Variants in DLG2 observed in about 807,000 individuals in gnomAD.
DLG2 encodes disks large homolog 2.
In DLG2, 45 loss-of-function variants were observed where a neutral mutation model predicts 132.5. That is an observed-to-expected ratio of 0.34 (90% CI 0.27 to 0.44). DLG2 has a LOEUF of 0.44. DLG2 is among the 20% of genes least tolerant of loss of function. The pLI, the probability that DLG2 is intolerant of heterozygous loss-of-function variation, is 1.00. For missense variants in DLG2, 1,045 were observed against 1,196.9 expected, an observed-to-expected ratio of 0.87 and a Z score of 1.87; for synonymous variants, 424 against 419.6, an observed-to-expected ratio of 1.01 and a Z score of -0.13.
chr11:83,866,646 T>G (rs1260056046), intron 16 of DLG2, among the ~76,000 whole-genome samples: 1 of 152,186 alleles, frequency 6.6e-6, no homozygotes, highest in Non-Finnish European at 1.5e-5. Context: ...TTGAGACCAT[T>G]TTTAAACCCA....
At position 84,705,406 on chromosome 11, in the gene DLG2, C is replaced by A. The variant is rs552560684; in HGVS notation, c.358-170675G>T. Among the ~76,000 whole-genome samples, 4 of 151,840 alleles carry A rather than the reference C, an allele frequency of 2.6e-5. 1 individual carries two copies. In the South Asian group the frequency reaches 8.3e-4, roughly 31 times the overall value. ...ACAGGACCAACCCTTCTTACCAGTT[C>A]TATTGCAAATCATTCAGTTCTATTG... On this transcript the variant is annotated intron_variant, in intron 6 of 27. Coordinates refer to ENST00000376104, the MANE Select transcript of DLG2 (RefSeq NM_001142699.3).
chr11:85,380,921 C>T (rs924633142), intron 3 of DLG2, among the ~76,000 whole-genome samples: 2 of 152,126 alleles, frequency 1.3e-5, no homozygotes, highest in African/African-American at 2.4e-5. Flanking sequence ...AAAACTCTAA[C>T]AAGACCAAGG....
At chr11:84,935,000 G>A (rs986703552) in intron 6 of DLG2, among the ~76,000 whole-genome samples, 12 of 152,130 alleles carry the variant, frequency 7.9e-5, no homozygotes, top group African/African-American at 2.9e-4. Context: ...ATTTCTGCCT[G>A]AAACTTCCTC....
At chr11:83,493,813 G>A (rs76092902) in intron 21 of DLG2, among the ~76,000 whole-genome samples, 1,564 of 152,182 alleles carry the variant, frequency 0.01, 24 homozygotes, top group African/African-American at 0.035. Context: ...TAAAAAAGTG[G>A]GAGGATTTTC....
chr11:84,836,857 G>A (rs1203677473), intron 6 of DLG2, among the ~76,000 whole-genome samples: 1 of 143,418 alleles, frequency 7.0e-6, no homozygotes, highest in Non-Finnish European at 1.6e-5. Flanking sequence ...TGTCCATAAA[G>A]CATATACTTT....
chr11:84,337,627 G>T (rs1007779113), intron 7 of DLG2, among the ~76,000 whole-genome samples: 2 of 151,944 alleles, frequency 1.3e-5, no homozygotes, highest in Non-Finnish European at 1.5e-5. Context: ...GAAAAAAATA[G>T]TCTAAATGAC....
intron 19 of DLG2, among the ~76,000 whole-genome samples, chr11:83,550,231 C>T (rs949432736): frequency 5.9e-5 from 9 of 152,220 alleles, no homozygotes; most frequent in African/African-American, 7.2e-5. Flanking sequence ...GAAGCCCTTA[C>T]AGGTTGGGCC....
intron 3 of DLG2, among the ~76,000 whole-genome samples, chr11:85,496,001 T>G (rs2093660531): frequency 6.6e-6 from 1 of 152,146 alleles, no homozygotes; most frequent in Non-Finnish European, 1.5e-5. Flanking sequence ...AGACACGTGA[T>G]TTCTGCATTT....
chr11:84,708,718 T>C (rs1458843767), intron 6 of DLG2, among the ~76,000 whole-genome samples: 1 of 151,842 alleles, frequency 6.6e-6, no homozygotes. Flanking sequence ...AACCCTTTTC[T>C]TTCCTCTGGC....
At chr11:83,830,160 A>G (rs1188559015) in intron 17 of DLG2, among the ~76,000 whole-genome samples, 1 of 152,158 alleles carries the variant, frequency 6.6e-6, no homozygotes, top group Non-Finnish European at 1.5e-5. Flanking sequence ...CATCATCTGT[A>G]TTTGCAAATG....
intron 17 of DLG2, among the ~76,000 whole-genome samples, chr11:83,827,732 C>T (rs1262458290): frequency 6.6e-6 from 1 of 151,868 alleles, no homozygotes; most frequent in Non-Finnish European, 1.5e-5. Context: ...CTCTGTTTCA[C>T]ATTTTTTCCT....
At chr11:85,293,124 G>A (rs2079014801) in intron 3 of DLG2, among the ~76,000 whole-genome samples, 1 of 152,018 alleles carries the variant, frequency 6.6e-6, no homozygotes, top group African/African-American at 2.4e-5. Context: ...GGGGGAGAAG[G>A]GAAAGTTCTT....
At chr11:83,882,134 T>G (rs1211469336) in intron 15 of DLG2, among the ~76,000 whole-genome samples, 1 of 152,188 alleles carries the variant, frequency 6.6e-6, no homozygotes, top group Non-Finnish European at 1.5e-5. Flanking sequence ...GTCCCAGGTT[T>G]CTGGCCTTAC....
chr11:84,791,458 T>G (rs903130368), intron 6 of DLG2, among the ~76,000 whole-genome samples: 1 of 152,212 alleles, frequency 6.6e-6, no homozygotes, highest in East Asian at 1.9e-4. Context: ...TTTTAGGATT[T>G]TTTTCTATTT....
intron 17 of DLG2, among the ~76,000 whole-genome samples, chr11:83,804,450 A>G (rs2045361084): frequency 6.6e-6 from 1 of 152,058 alleles, no homozygotes; most frequent in African/African-American, 2.4e-5. Context: ...TTCAAATTAT[A>G]GAAAACTTGA....
At chr11:85,599,337 C>T (rs191743849) in intron 2 of DLG2, among the ~76,000 whole-genome samples, 1 of 151,206 alleles carries the variant, frequency 6.6e-6, no homozygotes, top group East Asian at 1.9e-4. Flanking sequence ...CTCTCTCCCC[C>T]ACCTCTCTCT....
At chr11:83,470,050 A>T (rs994881787) in intron 24 of DLG2, among the ~76,000 whole-genome samples, 6 of 152,064 alleles carry the variant, frequency 3.9e-5, no homozygotes, top group African/African-American at 1.2e-4. Context: ...TTAATCTTTG[A>T]CTCACTTATT....
chr11:84,151,590 G>C (rs1219050233), intron 9 of DLG2, among the ~76,000 whole-genome samples: 4 of 151,968 alleles, frequency 2.6e-5, no homozygotes, highest in African/African-American at 9.7e-5. Context: ...TGCTAGCTTT[G>C]AGGTTAGTTT....
chr11:84,146,994 G>A (rs1454949565), intron 9 of DLG2, among the ~76,000 whole-genome samples: 1 of 151,830 alleles, frequency 6.6e-6, no homozygotes, highest in African/African-American at 2.4e-5. Context: ...TTTCTGTATT[G>A]TATGTCACAC....
Sources: allele counts gnomAD v4.1 joint callset (sites outside exome capture counted in the v4.1 genomes callset), GRCh38; gene constraint gnomAD v4.1.1; transcripts MANE v1.5; gene names NCBI Gene and HGNC (gene_info 2026-07-23, HGNC 2026-07-21).